The following SLC35F1 variants were observed in gnomAD, a reference collection of about 807,000 sequenced individuals.
The protein encoded by SLC35F1 is solute carrier family 35 member F1.
In SLC35F1, 14 loss-of-function variants were observed where a neutral mutation model predicts 48.7. The observed-to-expected ratio is 0.29, with a 90% CI of 0.19 to 0.45. The LOEUF (loss-of-function observed/expected upper bound fraction) is 0.45. Ranked by LOEUF, SLC35F1 falls within the 20% of genes least tolerant of loss-of-function variation. The probability of loss-of-function intolerance (pLI) is 1.00; values close to 1 mark genes in which losing one functional copy is unlikely to be tolerated. For missense variants in SLC35F1, 404 were observed against 500.0 expected, an observed-to-expected ratio of 0.81 and a Z score of 1.83; for synonymous variants, 190 against 202.2, an observed-to-expected ratio of 0.94 and a Z score of 0.51.
chr6:118,059,296 G>A (rs1317848430), intron 1 of SLC35F1, among the ~76,000 whole-genome samples: 1 of 152,186 alleles, frequency 6.6e-6, no homozygotes, highest in East Asian at 1.9e-4. Flanking sequence ...TCATGCCTGG[G>A]TAGTACAAAG....
intron 2 of SLC35F1, among the ~76,000 whole-genome samples, chr6:118,211,238 A>G (rs1450477719): frequency 6.6e-6 from 1 of 152,172 alleles, no homozygotes; most frequent in African/African-American, 2.4e-5. Flanking sequence ...GCCTTAGTAA[A>G]CTGACAGACA....
chr6:118,158,717 G>A (rs1468211149), intron 2 of SLC35F1, among the ~76,000 whole-genome samples: 1 of 152,140 alleles, frequency 6.6e-6, no homozygotes, highest in African/African-American at 2.4e-5. Context: ...CTGGAGTCAC[G>A]ATCAAAGACT....
At position 118,039,163 on chromosome 6, in the gene SLC35F1, C is replaced by T. The variant is rs1038536278; in HGVS notation, c.174-115282C>T. Among the ~76,000 whole-genome samples, 4 of 152,140 alleles carry T rather than the reference C, an allele frequency of 2.6e-5. No homozygotes were observed. In the East Asian group the frequency reaches 5.8e-4, roughly 22 times the overall value. ...TGTTTCAACAGCTTTTTTCTTTCAG[C>T]GCTTTCAAGATGTTGTCTTACTGTC... On this transcript the variant is annotated intron_variant, in intron 1 of 7. Transcript: ENST00000360388.
chr6:118,080,374 T>G (rs1210297215), intron 1 of SLC35F1, among the ~76,000 whole-genome samples: 1 of 152,168 alleles, frequency 6.6e-6, no homozygotes, highest in Non-Finnish European at 1.5e-5. Context: ...GCTTGATGGG[T>G]TCTGGAGAGA....
At chr6:118,180,098 A>G (rs1425492273) in intron 2 of SLC35F1, among the ~76,000 whole-genome samples, 1 of 152,270 alleles carries the variant, frequency 6.6e-6, no homozygotes, top group African/African-American at 2.4e-5. Context: ...TCCTTTGAGA[A>G]TTTCTGACCA....
intron 1 of SLC35F1, among the ~76,000 whole-genome samples, chr6:118,049,200 T>C (rs1254975756): frequency 2.0e-5 from 3 of 152,162 alleles, no homozygotes; most frequent in Non-Finnish European, 2.9e-5. Flanking sequence ...TTACACCTTA[T>C]ACAAAAATTA....
intron 1 of SLC35F1, among the ~76,000 whole-genome samples, chr6:118,054,126 GTCTT>G (rs1159874292): frequency 1.3e-5 from 2 of 152,134 alleles, no homozygotes; most frequent in Non-Finnish European, 2.9e-5. Flanking sequence ...ATTGTTTGGA[GTCTT>G]GATTTACATT....
intron 1 of SLC35F1, among the ~76,000 whole-genome samples, chr6:118,048,363 C>A (rs1772331501): frequency 6.6e-6 from 1 of 151,938 alleles, no homozygotes; most frequent in South Asian, 2.1e-4. Flanking sequence ...TGTATCTCTG[C>A]CAGGCTTTGG....
At chr6:118,048,544 T>C (rs1187856173) in intron 1 of SLC35F1, among the ~76,000 whole-genome samples, 1 of 152,112 alleles carries the variant, frequency 6.6e-6, no homozygotes, top group East Asian at 1.9e-4. Context: ...TGTACAAAAA[T>C]CACAAGCATT....
chr6:118,212,710 A>AAAGG (rs1263986138), intron 2 of SLC35F1, among the ~76,000 whole-genome samples: 1 of 142,988 alleles, frequency 7.0e-6, no homozygotes, highest in Admixed American at 7.1e-5. Flanking sequence ...GGAAAGAAGG[A>AAAGG]AAGGAAGGAA....
In SLC35F1 at chr6:118,066,814, C is replaced by T. The variant is rs576419227; in HGVS notation, c.174-87631C>T. 1.1e-3 allele frequency among the ~76,000 whole-genome samples: 158 copies of T among 147,624 alleles called. 1 individual carries two copies. The highest frequency in any genetic ancestry group is 3.6e-3 in the Middle Eastern group (1 of 274). On this transcript the variant is annotated intron_variant, in intron 1 of 7. Coordinates refer to ENST00000360388, the MANE Select transcript of SLC35F1 (RefSeq NM_001029858.4). ...AGGCTGGAATGCAATGGCGCGATCT[C>T]GGCTAAGGCAGTAGTTCTTAAAATT...
intron 3 of SLC35F1, among the ~76,000 whole-genome samples, chr6:118,256,740 C>A (rs1289208470): frequency 6.6e-6 from 1 of 152,062 alleles, no homozygotes; most frequent in East Asian, 1.9e-4. Flanking sequence ...GAAAGAAGTA[C>A]AGATGCTCCT....
intron 1 of SLC35F1, among the ~76,000 whole-genome samples, chr6:118,069,335 A>G (rs986295124): frequency 7.2e-5 from 11 of 152,234 alleles, no homozygotes; most frequent in African/African-American, 2.7e-4. Context: ...TTCAAAGTCC[A>G]TCTTGGGGAT....
chr6:118,218,664 T>C (rs1431853384), intron 2 of SLC35F1, among the ~76,000 whole-genome samples: 1 of 152,190 alleles, frequency 6.6e-6, no homozygotes, highest in Non-Finnish European at 1.5e-5. Flanking sequence ...TCCTGAGGAA[T>C]CTACAGACAA....
chr6:118,208,936 T>G (rs192285550), intron 2 of SLC35F1, among the ~76,000 whole-genome samples: 170 of 152,262 alleles, frequency 1.1e-3, no homozygotes, highest in African/African-American at 4.0e-3. Context: ...CTCCCCAAGG[T>G]GGGTCATAGA....
intron 1 of SLC35F1, among the ~76,000 whole-genome samples, chr6:118,147,987 A>G (rs1774000353): frequency 6.6e-6 from 1 of 152,176 alleles, no homozygotes; most frequent in African/African-American, 2.4e-5. Flanking sequence ...GAATGTGATA[A>G]AAACCTTTCA....
chr6:118,241,578 CGTGT>C (rs10570595), intron 3 of SLC35F1, among the ~76,000 whole-genome samples: 1,924 of 146,626 alleles, frequency 0.013, 36 homozygotes, highest in African/African-American at 0.04. Flanking sequence ...TTTTTACCTT[CGTGT>C]GTGTGTGTGT....
intron 1 of SLC35F1, among the ~76,000 whole-genome samples, chr6:118,099,191 G>A (rs1020091336): frequency 6.6e-6 from 1 of 152,148 alleles, no homozygotes; most frequent in African/African-American, 2.4e-5. Flanking sequence ...TCTGATTTGA[G>A]GGCAACCTCA....
chr6:118,304,648 G>C (rs1302867137), intron 7 of SLC35F1, among the ~76,000 whole-genome samples: 1 of 152,100 alleles, frequency 6.6e-6, no homozygotes, highest in Non-Finnish European at 1.5e-5. Context: ...TTTACTCTTC[G>C]TGATGTAAGG....
Sources: gnomAD v4.1 joint callset for allele counts (sites outside exome capture counted in the v4.1 genomes callset) on GRCh38, gnomAD v4.1.1 for gene constraint, MANE v1.5 for transcripts, NCBI Gene and HGNC (gene_info 2026-07-23, HGNC 2026-07-21) for gene names.